Variants in LLGL2 observed in about 807,000 individuals in gnomAD.
The protein encoded by LLGL2 is LLGL2, scribble cell polarity complex component.
LLGL2 carries 81 observed loss-of-function variants against 123.2 expected under a neutral mutation model. The observed-to-expected ratio is 0.66, with a 90% CI of 0.55 to 0.79. The LOEUF (loss-of-function observed/expected upper bound fraction) is 0.79. Among genes scored for constraint, LLGL2 ranks in the 30% least tolerant of loss-of-function variants. The pLI, the probability that LLGL2 is intolerant of heterozygous loss-of-function variation, is 0.00. For missense variants in LLGL2, 1,273 were observed against 1,414.6 expected, an observed-to-expected ratio of 0.90 and a Z score of 1.61; for synonymous variants, 577 against 594.1, an observed-to-expected ratio of 0.97 and a Z score of 0.42.
chr17:75,525,582 C>A (rs993589466), upstream of LLGL2: 2 of 150,598 alleles, frequency 1.3e-5, no homozygotes, highest in African/African-American at 2.4e-5. This position sits in a 1 kb window ranked among gnomAD's most constrained non-coding sequence, Gnocchi z 4.8. Flanking sequence ...GCCCCCACCC[C>A]CGAGGGTGCC....
chr17:75,548,123 A>G (rs1413671810), intron 2 of LLGL2, among the ~76,000 whole-genome samples: 1 of 152,170 alleles, frequency 6.6e-6, no homozygotes, highest in Non-Finnish European at 1.5e-5. Flanking sequence ...TCGACCGGTA[A>G]GTATAATGCA....
rs1166621810 is a variant in LLGL2, at chr17:75,549,864, T to C, written c.76-6182T>C. Among the ~76,000 whole-genome samples the C allele has an allele frequency of 5.3e-5, 8 of 152,356 alleles. No homozygotes were observed. In the East Asian group the frequency reaches 1.5e-3, roughly 29 times the overall value. ...GCCCACTCGCTCCCCTTCCGGGACCTGGAAAGGAGTCCCAGAGCCCAGGAG... is the reference window on the plus strand; with the variant it reads ...GCCCACTCGCTCCCCTTCCGGGACCCGGAAAGGAGTCCCAGAGCCCAGGAG... On this transcript the variant is annotated intron_variant, in intron 2 of 25. Coordinates refer to ENST00000392550, the MANE Select transcript of LLGL2 (RefSeq NM_001031803.2). The surrounding 1 kb of genome is among the most constrained non-coding windows in gnomAD (Gnocchi z 4.0).
chr17:75,562,755 A>C, intron 6 of LLGL2: 1 of 510,650 alleles, frequency 2.0e-6, no homozygotes, highest in Non-Finnish European at 3.6e-6. Flanking sequence ...TTTTTAGTAG[A>C]GACAGGGTTT....
chr17:75,539,458 C>T (rs1379439643), intron 1 of LLGL2, among the ~76,000 whole-genome samples: 1 of 109,732 alleles, frequency 9.1e-6, no homozygotes, highest in Non-Finnish European at 1.9e-5. Context: ...CCAGGCTGGT[C>T]GTCTCCAGCT....
chr17:75,534,897 G>A (rs2053943285), intron 1 of LLGL2, among the ~76,000 whole-genome samples: 1 of 152,236 alleles, frequency 6.6e-6, no homozygotes, highest in Admixed American at 6.5e-5. Context: ...TCCAGCCATA[G>A]CTAGCTCTCA....
chr17:75,564,305 G>A lies in LLGL2; in HGVS notation c.882-48G>A. On this transcript the variant is annotated intron_variant, in intron 9 of 25. Transcript: ENST00000392550. The surrounding 1 kb of genome is among the most constrained non-coding windows in gnomAD (Gnocchi z 4.9). ...TTGATTGCCGGCCTGTGGCTGTTGA[G>A]GCTGTGCCAGGAGCCCCAGCCCACT... is the stretch of plus-strand genomic sequence containing the variant. 1.3e-6 allele frequency: 2 copies of A among 1,562,322 alleles called. No homozygotes were observed. Among genetic ancestry groups the A allele is most frequent in the Non-Finnish European group, 8.6e-7 (1 of 1,156,392 alleles).
rs2054995789 is a variant in LLGL2 at position 75,558,030 on chromosome 17, T to G, written c.174-125T>G. 1 of 924,716 alleles carries G rather than the reference T, an allele frequency of 1.1e-6. No individual in the cohort carries two copies. The allele number at this position is 924,716 out of a possible 1,614,324, so 57.3% of individuals were successfully genotyped here. ...CCTAGGCTCCATGCATGGGTCCTGCTGCCTCGGGGGAGGGCAGCCCCTCTC... is the reference window on the plus strand; with the variant it reads ...CCTAGGCTCCATGCATGGGTCCTGCGGCCTCGGGGGAGGGCAGCCCCTCTC... On this transcript the variant is annotated intron_variant, in intron 3 of 25. Coordinates refer to ENST00000392550, the MANE Select transcript of LLGL2 (RefSeq NM_001031803.2). The surrounding 1 kb of genome is among the most constrained non-coding windows in gnomAD (Gnocchi z 4.0).
At chr17:75,528,295 T>C (rs2053646203) in intron 1 of LLGL2, among the ~76,000 whole-genome samples, 1 of 151,976 alleles carries the variant, frequency 6.6e-6, no homozygotes, top group Non-Finnish European at 1.5e-5. Flanking sequence ...TTTTGTATTT[T>C]TAGTAGAGAT....
intron 1 of LLGL2, among the ~76,000 whole-genome samples, chr17:75,534,990 A>G (rs1442877502): frequency 1.3e-5 from 2 of 152,176 alleles, no homozygotes; most frequent in African/African-American, 4.8e-5. Context: ...GTGTTCCCCT[A>G]GATCCCACTC....
rs761720572 is a variant in LLGL2, at chr17:75,574,655, CA to C, written c.3043del (p.Ser1015AlafsTer16). 1.8e-5 allele frequency: 29 copies of C among 1,611,768 alleles called. No homozygotes were observed. The East Asian group carries it at 6.2e-4, about 35-fold the overall frequency. On this transcript the variant is annotated frameshift_variant, in exon 25 of 26. Transcript: ENST00000392550. LOFTEE classifies it high-confidence loss of function. ...SHRAAVGCSLSNGGAE is the reference protein window; with the variant it reads ...SHRAAVGCSLXNGGAE ...ATCGAGCCGCCGTGGGGTGCAGCCT[CA>C]GCAATGGCGGAGGTGGGGGCTCTGG... is the stretch of plus-strand genomic sequence containing the variant.
At chr17:75,572,664 C>CA (rs71161230) in intron 19 of LLGL2, among the ~76,000 whole-genome samples, 9,823 of 83,236 alleles carry the variant, frequency 0.12, 601 homozygotes, top group Middle Eastern at 0.24. Context: ...GATTCCGTCT[C>CA]AAAAAAAAAA....
intron 2 of LLGL2, among the ~76,000 whole-genome samples, chr17:75,554,081 C>A (rs891334548): frequency 6.6e-6 from 1 of 152,120 alleles, no homozygotes; most frequent in Non-Finnish European, 1.5e-5. Context: ...GCGGGCAGAT[C>A]ACTTGAGGTC....
intron 1 of LLGL2, among the ~76,000 whole-genome samples, chr17:75,536,260 T>C (rs1401452818): frequency 2.0e-5 from 3 of 152,148 alleles, no homozygotes; most frequent in Non-Finnish European, 4.4e-5. Context: ...ACTTGAGGAC[T>C]TGGGGGGCTC....
At chr17:75,563,278 ACGCCG>A in intron 7 of LLGL2, 48 bp from the exon 8 acceptor site, 2 of 1,603,902 alleles carry the variant, frequency 1.2e-6, no homozygotes. Flanking sequence ...GGCGATGGGA[ACGCCG>A]CCTCGGTCCA....
chr17:75,573,290 G>A lies in LLGL2; in HGVS notation c.2725+12G>A, dbSNP rs376124751. ...CAAATATGGCCAAGGTGTTTGAGCC[G>A]GGCTGGGTGGGTGTCGGGGCCCCGG... On this transcript the variant is annotated intron_variant, in intron 20 of 25. Transcript: ENST00000392550. 1.6e-5 allele frequency: 25 copies of A among 1,586,836 alleles called. No homozygotes were observed. Among genetic ancestry groups the A allele is most frequent in the South Asian group, 1.3e-4 (11 of 87,950 alleles).
rs565997065 is a variant in LLGL2, at chr17:75,550,608, C to T, written c.76-5438C>T. ...GAGACCAGCCTGGGCAACATAGTGA[C>T]ACCTCATCTCTACAAAAAATACAAA... On this transcript the variant is annotated intron_variant, in intron 2 of 25. Transcript: ENST00000392550. Among the ~76,000 whole-genome samples the T allele has an allele frequency of 5.9e-4, 90 of 151,912 alleles. 1 individual carries two copies. Among genetic ancestry groups the T allele is most frequent in the African/African-American group, 2.1e-3 (85 of 41,436 alleles).
At chr17:75,571,360 G>A (rs2055699867) in intron 17 of LLGL2, 1 of 577,618 alleles carries the variant, frequency 1.7e-6, no homozygotes, top group Non-Finnish European at 3.1e-6. Context: ...AGCCTTTCAG[G>A]GCCTCAGCTT....
At position 75,538,183 on chromosome 17, in the gene LLGL2, T is replaced by C. The variant is rs2054076562; in HGVS notation, c.-30-5214T>C. Among the ~76,000 whole-genome samples the C allele has an allele frequency of 2.6e-5, 4 of 151,976 alleles. 1 individual carries two copies. The highest frequency in any genetic ancestry group is 2.0e-4 in the Admixed American group (3 of 15,258). ...AGAGAATGGCAGGGACCATAGTGAA[T>C]GGGGCCAGGGTGGGGCTGAGTAGAT... On this transcript the variant is annotated intron_variant, in intron 1 of 25. Transcript: ENST00000392550.
At chr17:75,532,018 G>C (rs1275194598) in intron 1 of LLGL2, among the ~76,000 whole-genome samples, 1 of 144,496 alleles carries the variant, frequency 6.9e-6, no homozygotes, top group Non-Finnish European at 1.5e-5. Context: ...CTGGGCACAG[G>C]ACCATATGAC....
Sources: allele counts gnomAD v4.1 joint callset (sites outside exome capture counted in the v4.1 genomes callset), GRCh38; gene constraint gnomAD v4.1.1; non-coding constraint Gnocchi (gnomAD v3.1); transcripts MANE v1.5; gene names NCBI Gene and HGNC (gene_info 2026-07-23, HGNC 2026-07-21).